The following POU6F2 variants were observed in gnomAD, a reference collection of about 807,000 sequenced individuals.
The protein encoded by POU6F2 is POU domain, class 6, transcription factor 2.
In POU6F2, 31 loss-of-function variants were observed where a neutral mutation model predicts 71.3. The ratio of observed to expected loss-of-function variants is 0.43; its 90% CI spans 0.33 to 0.59. The LOEUF is 0.59. POU6F2 is among the 20% of genes least tolerant of loss of function. The pLI is 0.04. For synonymous variants in POU6F2, 347 were observed against 355.7 expected (o/e 0.98, Z 0.27); for missense variants, 783 against 856.8 (o/e 0.91, Z 1.07).
At chr7:39,438,439 A>G (rs1307730694) in intron 7 of POU6F2, among the ~76,000 whole-genome samples, 1 of 152,236 alleles carries the variant, frequency 6.6e-6, no homozygotes, top group Non-Finnish European at 1.5e-5. Flanking sequence ...AGCATGATTT[A>G]TAATCATTTG....
At chr7:39,181,566 A>AAAG (rs1243542011) in intron 2 of POU6F2, among the ~76,000 whole-genome samples, 1 of 152,172 alleles carries the variant, frequency 6.6e-6, no homozygotes, top group East Asian at 1.9e-4. Context: ...CATTCAACTC[A>AAAG]TTACACAACT....
intron 5 of POU6F2, among the ~76,000 whole-genome samples, chr7:39,396,554 C>T (rs1345220650): frequency 6.6e-6 from 1 of 152,176 alleles, no homozygotes; most frequent in Non-Finnish European, 1.5e-5. Flanking sequence ...CCCCTCTGTC[C>T]ACCTGCAATG....
At chr7:39,367,606 C>A (rs1786527880) in intron 5 of POU6F2, among the ~76,000 whole-genome samples, 1 of 152,206 alleles carries the variant, frequency 6.6e-6, no homozygotes, top group Middle Eastern at 3.2e-3. Context: ...TGTATCTTGC[C>A]TGTGGTTTAT....
intron 4 of POU6F2, among the ~76,000 whole-genome samples, chr7:39,325,630 A>G (rs530902539): frequency 2.0e-5 from 3 of 152,296 alleles, no homozygotes; most frequent in Admixed American, 6.5e-5. Context: ...CTGGAAAATA[A>G]CTGTAGGGAA....
intron 4 of POU6F2, among the ~76,000 whole-genome samples, chr7:39,262,684 A>G (rs896774548): frequency 2.0e-5 from 3 of 152,210 alleles, no homozygotes; most frequent in African/African-American, 7.2e-5. Context: ...GAACATAAGC[A>G]TCTTTACTTT....
At chr7:39,341,065 T>G (rs1379393056) in intron 5 of POU6F2, among the ~76,000 whole-genome samples, 2 of 152,182 alleles carry the variant, frequency 1.3e-5, no homozygotes, top group Non-Finnish European at 2.9e-5. Context: ...AGTCCGGCTC[T>G]CCCCAGCCTG....
intron 6 of POU6F2, among the ~76,000 whole-genome samples, chr7:39,418,535 C>T (rs919928045): frequency 9.2e-5 from 14 of 151,876 alleles, no homozygotes; most frequent in Admixed American, 9.2e-4. Flanking sequence ...ACTAGAAACA[C>T]AAAAATTAGC....
intron 5 of POU6F2, among the ~76,000 whole-genome samples, chr7:39,349,520 A>G (rs1488372950): frequency 2.6e-5 from 4 of 151,970 alleles, no homozygotes. Flanking sequence ...AGGAATTTCC[A>G]ATGGTCAGGA....
intron 6 of POU6F2, among the ~76,000 whole-genome samples, chr7:39,415,874 C>T (rs2024101): frequency 6.6e-6 from 1 of 151,852 alleles, no homozygotes; most frequent in Admixed American, 6.6e-5. Flanking sequence ...TTAAGTGACT[C>T]CCTGGGATAA....
chr7:39,256,758 C>A (rs897532493), intron 4 of POU6F2, among the ~76,000 whole-genome samples: 1 of 152,114 alleles, frequency 6.6e-6, no homozygotes, highest in Non-Finnish European at 1.5e-5. Flanking sequence ...GGCCCAGCCG[C>A]TGCTGCCTTT....
At chr7:39,211,372 A>G (rs1235236812) in intron 4 of POU6F2, among the ~76,000 whole-genome samples, 3 of 152,152 alleles carry the variant, frequency 2.0e-5, no homozygotes, top group Non-Finnish European at 4.4e-5. Flanking sequence ...GACAGAAAGG[A>G]ATAATGTGTG....
chr7:39,425,933 C>A (rs983000057), intron 6 of POU6F2, among the ~76,000 whole-genome samples: 12 of 152,340 alleles, frequency 7.9e-5, no homozygotes, highest in East Asian at 1.9e-4. Flanking sequence ...TTCTTGACTT[C>A]TCTGGGTATC....
At chr7:39,406,473 G>T in intron 5 of POU6F2, 127 bp from the exon 6 acceptor site, 2 of 1,091,160 alleles carry the variant, frequency 1.8e-6, no homozygotes, top group Non-Finnish European at 1.3e-6. Context: ...ACGCCCCTCC[G>T]GTGGGTTCCA....
chr7:39,144,386 C>T (rs1253820997), intron 2 of POU6F2, among the ~76,000 whole-genome samples: 2 of 152,178 alleles, frequency 1.3e-5, no homozygotes. Context: ...GTCCTATTTC[C>T]TATGATATGC....
At chr7:39,250,078 C>G (rs79862701) in intron 4 of POU6F2, among the ~76,000 whole-genome samples, 1,744 of 152,298 alleles carry the variant, frequency 0.011, 15 homozygotes, top group Non-Finnish European at 0.018. Flanking sequence ...GCCAGAGAAA[C>G]AAATATCAGC....
At chr7:39,230,015 C>A (rs373495460) in intron 4 of POU6F2, among the ~76,000 whole-genome samples, 26 of 152,278 alleles carry the variant, frequency 1.7e-4, no homozygotes, top group African/African-American at 6.0e-4. Flanking sequence ...GGCACAGATG[C>A]GATTAAGAGA....
At chr7:39,315,023 G>T (rs138700748) in intron 4 of POU6F2, among the ~76,000 whole-genome samples, 1 of 152,162 alleles carries the variant, frequency 6.6e-6, no homozygotes, top group Non-Finnish European at 1.5e-5. Flanking sequence ...ACTGTTACAC[G>T]TAACATTTCA....
At chr7:39,030,978 G>A (rs970632691) in intron 1 of POU6F2, among the ~76,000 whole-genome samples, 3 of 151,736 alleles carry the variant, frequency 2.0e-5, no homozygotes, top group Admixed American at 6.6e-5. Flanking sequence ...TCGGCTCACC[G>A]CAACCTCCTC....
At chr7:39,296,462 T>C (rs1447072994) in intron 4 of POU6F2, among the ~76,000 whole-genome samples, 1 of 152,214 alleles carries the variant, frequency 6.6e-6, no homozygotes, top group African/African-American at 2.4e-5. Context: ...CCAATCTGTT[T>C]TCCACGCTGC....
Sources: allele counts gnomAD v4.1 joint callset (sites outside exome capture counted in the v4.1 genomes callset), GRCh38; gene constraint gnomAD v4.1.1; transcripts MANE v1.5; gene names NCBI Gene and HGNC (gene_info 2026-07-23, HGNC 2026-07-21).